Variants in R3HDM1 observed in about 807,000 individuals in gnomAD.
R3HDM1 encodes the protein R3H domain-containing protein 1.
A neutral mutation model predicts 141.1 loss-of-function variants in R3HDM1; 46 were observed. The observed-to-expected ratio is 0.33, with a 90% confidence interval of 0.26 to 0.42. The LOEUF (loss-of-function observed/expected upper bound fraction) is 0.42. Ranked by LOEUF, R3HDM1 falls within the 10% of genes least tolerant of loss-of-function variation. The pLI, the probability that R3HDM1 is intolerant of heterozygous loss-of-function variation, is 1.00. For synonymous variants in R3HDM1, 435 were observed against 472.9 expected (o/e 0.92, Z 1.04); for missense variants, 1,184 against 1,368.3 (o/e 0.87, Z 2.12).
intron 1 of R3HDM1, among the ~76,000 whole-genome samples, chr2:135,548,124 G>A (rs1239777759): frequency 6.6e-6 from 1 of 152,124 alleles, no homozygotes; most frequent in African/African-American, 2.4e-5. Context: ...GCTAAGTACA[G>A]AATCATATTC....
chr2:135,536,179 A>G (rs114111567), intron 1 of R3HDM1, among the ~76,000 whole-genome samples: 54 of 152,204 alleles, frequency 3.5e-4, no homozygotes, highest in Non-Finnish European at 6.8e-4. Context: ...TCACCCTGTC[A>G]CCCAGACTGG....
At chr2:135,639,224 A>G in intron 14 of R3HDM1, 102 bp downstream of exon 14, 1 of 1,166,120 alleles carries the variant, frequency 8.6e-7, no homozygotes, top group Non-Finnish European at 1.2e-6. Context: ...CTAAAATATA[A>G]AATCACTATC....
intron 5 of R3HDM1, among the ~76,000 whole-genome samples, chr2:135,618,959 T>C (rs2061310461): frequency 6.6e-6 from 1 of 151,142 alleles, no homozygotes. Flanking sequence ...GGCAGAGGTT[T>C]CAGGGAGCCG....
At chr2:135,683,219 T>C (rs1484945935) in intron 21 of R3HDM1, among the ~76,000 whole-genome samples, 2 of 152,112 alleles carry the variant, frequency 1.3e-5, no homozygotes, top group Non-Finnish European at 2.9e-5. Flanking sequence ...TTGGTACATT[T>C]TGGACTAGTT....
intron 1 of R3HDM1, among the ~76,000 whole-genome samples, chr2:135,585,315 GAAAC>G (rs757956957): frequency 6.6e-6 from 1 of 152,190 alleles, no homozygotes; most frequent in Non-Finnish European, 1.5e-5. Flanking sequence ...TTGGTATAAA[GAAAC>G]TGCTGGTTTA....
intron 1 of R3HDM1, among the ~76,000 whole-genome samples, chr2:135,591,826 C>A (rs977050286): frequency 6.6e-6 from 1 of 152,136 alleles, no homozygotes; most frequent in East Asian, 1.9e-4. Context: ...AGAATACAAA[C>A]CAGAACTAGC....
rs548898025 is a variant in R3HDM1 at position 135,643,039 on chromosome 2, A to G, written c.1474+1249A>G. Among the ~76,000 whole-genome samples the G allele has an allele frequency of 7.2e-5, 11 of 152,276 alleles. No individual in the cohort carries two copies. In the South Asian group the frequency reaches 1.9e-3, roughly 26 times the overall value. ...TAATATGGTTTTGGTAACATGAAAGATTCATTTGCTTAGGAAGGGATAGAG... is the reference window on the plus strand; with the variant it reads ...TAATATGGTTTTGGTAACATGAAAGGTTCATTTGCTTAGGAAGGGATAGAG... On this transcript the variant is annotated intron_variant, in intron 15 of 26. Transcript: ENST00000683871.
chr2:135,628,396 T>C (rs1002988277), intron 7 of R3HDM1, among the ~76,000 whole-genome samples: 2 of 152,184 alleles, frequency 1.3e-5, no homozygotes, highest in African/African-American at 4.8e-5. Flanking sequence ...TCCTCTGCAA[T>C]CTATAGATGT....
intron 18 of R3HDM1, among the ~76,000 whole-genome samples, chr2:135,654,681 G>T (rs777619232): frequency 6.6e-6 from 1 of 151,712 alleles, no homozygotes; most frequent in African/African-American, 2.4e-5. Flanking sequence ...ACTCCTGACC[G>T]CAAGTGATCC....
At chr2:135,583,753 A>G (rs1459454548) in intron 1 of R3HDM1, 38 of 985,270 alleles carry the variant, frequency 3.9e-5, no homozygotes, top group Non-Finnish European at 4.5e-5. Flanking sequence ...TTTACCTGTA[A>G]AGGTTGAGAT....
chr2:135,548,330 A>T (rs1699164219), intron 1 of R3HDM1, among the ~76,000 whole-genome samples: 1 of 152,180 alleles, frequency 6.6e-6, no homozygotes, highest in Admixed American at 6.5e-5. Flanking sequence ...TGCATTTTAA[A>T]TTAAGTTGCA....
chr2:135,680,771 C>CA (rs565620349), intron 21 of R3HDM1, among the ~76,000 whole-genome samples: 5 of 151,968 alleles, frequency 3.3e-5, no homozygotes, highest in African/African-American at 1.2e-4. Context: ...CTTCTGTCTC[C>CA]AAAAAAATAT....
intron 1 of R3HDM1, among the ~76,000 whole-genome samples, chr2:135,582,616 C>T (rs1229932131): frequency 6.6e-6 from 1 of 152,082 alleles, no homozygotes. Flanking sequence ...GGGCCAGAAA[C>T]CCACACTGCG....
At chr2:135,656,745 A>G (rs2065945904) in intron 18 of R3HDM1, among the ~76,000 whole-genome samples, 1 of 152,142 alleles carries the variant, frequency 6.6e-6, no homozygotes, top group African/African-American at 2.4e-5. Flanking sequence ...TGCCATATAC[A>G]TTGCATCTCT....
rs905001281 is a variant in R3HDM1, at chr2:135,637,445, C to T, written c.904-1173C>T. On this transcript the variant is annotated intron_variant, in intron 11 of 26. Transcript: ENST00000683871. Reference sequence around the variant, plus strand: ...CTGAGGTGGGTGGATCACTTGAGCTCAGGAGTTCAAGACCAGCCTGAGCAA... The same window carrying T: ...CTGAGGTGGGTGGATCACTTGAGCTTAGGAGTTCAAGACCAGCCTGAGCAA... 2.0e-5 allele frequency among the ~76,000 whole-genome samples: 3 copies of T among 152,196 alleles called. No individual in the cohort carries two copies. In the East Asian group the frequency reaches 5.8e-4, roughly 29 times the overall value.
chr2:135,724,110 A>G lies in R3HDM1; in HGVS notation c.3223A>G (p.Asn1075Asp), dbSNP rs776086593. ...CTGTGGCAGTGGGGACAACACTGCC[A>G]ACCCTGAACGCTCTAAACCCAGTGA... ...LCCGSGDNTA[N>D]PERSKPSDLA... The change falls in exon 27 of 27, where the codon AAC (asparagine) becomes GAC (aspartate). Residue 1075 changes from asparagine to aspartate, a missense_variant. Transcript: ENST00000683871. The G allele has an allele frequency of 6.2e-7, 1 of 1,614,146 alleles. No homozygotes were observed. The highest frequency in any genetic ancestry group is 8.5e-7 in the Non-Finnish European group (1 of 1,180,020).
At chr2:135,709,930 C>A in intron 22 of R3HDM1, 129 bp from the exon 23 acceptor site, 5 of 968,238 alleles carry the variant, frequency 5.2e-6, no homozygotes, top group Non-Finnish European at 7.5e-6. Context: ...AGGGCTTCAA[C>A]CTGGTTTTCT....
intron 15 of R3HDM1, 63 bp downstream of exon 15, chr2:135,641,853 T>C: frequency 6.8e-7 from 1 of 1,468,472 alleles, no homozygotes; most frequent in Non-Finnish European, 9.1e-7. Flanking sequence ...TTATTAAATG[T>C]ATTTTCTGAA....
At chr2:135,577,206 C>T (rs187259788) in intron 1 of R3HDM1, 455 of 983,174 alleles carry the variant, frequency 4.6e-4, no homozygotes, top group Non-Finnish European at 5.3e-4. Flanking sequence ...TTGACAAATA[C>T]GTCTATATAA....
Sources: allele counts gnomAD v4.1 joint callset (sites outside exome capture counted in the v4.1 genomes callset), GRCh38; gene constraint gnomAD v4.1.1; transcripts MANE v1.5; gene names NCBI Gene and HGNC (gene_info 2026-07-23, HGNC 2026-07-21).